CHODL: variants seen among roughly 807,000 people sequenced by gnomAD.
CHODL encodes the protein transmembrane protein MT75.
CHODL carries 29 observed loss-of-function variants against 34.5 expected under a neutral mutation model. That is an observed-to-expected ratio of 0.84 (90% CI 0.63 to 1.15). The LOEUF is 1.15. CHODL is among the 50% of genes most tolerant of loss of function. CHODL has a pLI of 0.00. For missense variants in CHODL, 332 were observed against 332.5 expected, an observed-to-expected ratio of 1.00 and a Z score of 0.01; for synonymous variants, 125 against 116.1, an observed-to-expected ratio of 1.08 and a Z score of -0.49.
intron 2 of CHODL, among the ~76,000 whole-genome samples, chr21:18,051,143 T>C (rs887010391): frequency 3.9e-5 from 6 of 151,976 alleles, no homozygotes; most frequent in Non-Finnish European, 7.4e-5. Context: ...GTGTTCTCAT[T>C]GTTCAACTCC....
intron 1 of CHODL, among the ~76,000 whole-genome samples, chr21:17,929,544 A>T (rs2063254637): frequency 6.6e-6 from 1 of 152,248 alleles, no homozygotes; most frequent in Admixed American, 6.5e-5. Flanking sequence ...AGGTGAAGCC[A>T]TGCAGCCTGC....
chr21:17,975,980 A>G (rs1315149483), intron 1 of CHODL, among the ~76,000 whole-genome samples: 1 of 152,224 alleles, frequency 6.6e-6, no homozygotes, highest in Non-Finnish European at 1.5e-5. Context: ...AAAGAGTTAT[A>G]GTTTCACAAA....
chr21:18,185,512 G>C (rs77947647), intron 2 of CHODL, among the ~76,000 whole-genome samples: 2,133 of 152,244 alleles, frequency 0.014, 57 homozygotes, highest in African/African-American at 0.048. Flanking sequence ...ATAGTAGAAT[G>C]ACTTACAATC....
chr21:18,111,871 G>A (rs1018291480), intron 2 of CHODL, among the ~76,000 whole-genome samples: 2 of 152,142 alleles, frequency 1.3e-5, no homozygotes, highest in African/African-American at 4.8e-5. Context: ...GTTCAACACT[G>A]TAGGGGAACT....
At chr21:18,142,570 G>A (rs2072816057) in intron 2 of CHODL, among the ~76,000 whole-genome samples, 1 of 152,134 alleles carries the variant, frequency 6.6e-6, no homozygotes, top group South Asian at 2.1e-4. Flanking sequence ...AGAGAAGACT[G>A]CAGATTACGG....
intron 2 of CHODL, among the ~76,000 whole-genome samples, chr21:18,168,658 T>A (rs796198946): frequency 2.0e-4 from 31 of 152,348 alleles, no homozygotes; most frequent in African/African-American, 7.2e-4. Flanking sequence ...GTTCTTTATA[T>A]ATTCTGGATA....
At chr21:18,158,095 G>A (rs1988178697) in intron 2 of CHODL, among the ~76,000 whole-genome samples, 1 of 148,070 alleles carries the variant, frequency 6.8e-6, no homozygotes, top group Admixed American at 6.7e-5. Flanking sequence ...TTTAATTCAG[G>A]TGCTTGCCAT....
chr21:17,994,761 G>A (rs1475418395), intron 1 of CHODL, among the ~76,000 whole-genome samples: 2 of 152,178 alleles, frequency 1.3e-5, no homozygotes, highest in Admixed American at 1.3e-4. Flanking sequence ...GCAGAAGGCA[G>A]GGTTCAACCC....
chr21:18,009,361 C>T (rs887943482), intron 1 of CHODL, among the ~76,000 whole-genome samples: 22 of 152,022 alleles, frequency 1.4e-4, no homozygotes, highest in African/African-American at 4.8e-4. Flanking sequence ...CAAAGAAATA[C>T]ACTTTCTTTT....
chr21:17,960,637 T>C (rs756802376), intron 1 of CHODL, among the ~76,000 whole-genome samples: 4 of 152,238 alleles, frequency 2.6e-5, no homozygotes, highest in Non-Finnish European at 4.4e-5. Flanking sequence ...TCTTATTCTG[T>C]TATCTCCTCA....
At chr21:17,995,634 A>G (rs1331841461) in intron 1 of CHODL, among the ~76,000 whole-genome samples, 3 of 152,178 alleles carry the variant, frequency 2.0e-5, no homozygotes, top group Non-Finnish European at 4.4e-5. Flanking sequence ...CTTAAATGAT[A>G]CTAAACAACA....
At chr21:18,052,823 AC>A (rs905633670) in intron 2 of CHODL, among the ~76,000 whole-genome samples, 1 of 151,910 alleles carries the variant, frequency 6.6e-6, no homozygotes, top group African/African-American at 2.4e-5. Flanking sequence ...TGAGTTTGTC[AC>A]TTTTGATTTT....
chr21:18,069,557 TGG>T (rs1316466371), intron 2 of CHODL, among the ~76,000 whole-genome samples: 1 of 151,280 alleles, frequency 6.6e-6, no homozygotes, highest in African/African-American at 2.4e-5. Flanking sequence ...TATATATATA[TGG>T]ATTATTTGAT....
chr21:18,100,172 G>A (rs1208247795), intron 2 of CHODL, among the ~76,000 whole-genome samples: 2 of 152,124 alleles, frequency 1.3e-5, no homozygotes. Context: ...TTTAAATAAA[G>A]TGAAGGTTGT....
At position 18,260,218 on chromosome 21, in the gene CHODL, C is replaced by T. The variant is rs1601222699; in HGVS notation, c.566C>T (p.Pro189Leu). Reference protein sequence around the residue: ...KYEPEINPTAPVEKPYLTNQP... With the variant: ...KYEPEINPTALVEKPYLTNQP... ...TTTACAGAGATTAATCCAACAGCCC[C>T]TGTAGAAAAGCCTTATCTTACAAAT... The change falls in exon 4 of 6, where the codon CCT (proline) becomes CTT (leucine). Residue 189 changes from proline (P) to leucine (L), a missense_variant. Pro to Leu is a moderately conservative substitution (Grantham distance 98, BLOSUM62 -3). Transcript: ENST00000299295. 1 of 1,574,392 alleles carries T rather than the reference C, an allele frequency of 6.4e-7. No homozygotes were observed. Among genetic ancestry groups the T allele is most frequent in the Non-Finnish European group, 8.6e-7 (1 of 1,162,604 alleles).
At chr21:18,155,678 C>A (rs1226044363) in intron 2 of CHODL, among the ~76,000 whole-genome samples, 1 of 152,112 alleles carries the variant, frequency 6.6e-6, no homozygotes, top group African/African-American at 2.4e-5. Context: ...ATTTATATAA[C>A]ACTTTAGTCA....
At chr21:18,122,505 C>T (rs894737827) in intron 2 of CHODL, among the ~76,000 whole-genome samples, 3 of 151,708 alleles carry the variant, frequency 2.0e-5, no homozygotes, top group African/African-American at 7.3e-5. Context: ...ATGTCTGGCA[C>T]CTAAAAAACA....
chr21:17,931,750 T>G (rs1359382846), intron 1 of CHODL, among the ~76,000 whole-genome samples: 3 of 152,038 alleles, frequency 2.0e-5, no homozygotes, highest in South Asian at 2.1e-4. Context: ...AATTACAAAA[T>G]ACAGGCATGA....
At chr21:18,249,661 G>A (rs2074211411) in intron 1 of CHODL, among the ~76,000 whole-genome samples, 2 of 152,090 alleles carry the variant, frequency 1.3e-5, no homozygotes, top group Non-Finnish European at 2.9e-5. Context: ...TATTAGGTTT[G>A]AGACATATGG....
Sources: gnomAD v4.1 joint callset for allele counts (sites outside exome capture counted in the v4.1 genomes callset) on GRCh38, gnomAD v4.1.1 for gene constraint, MANE v1.5 for transcripts, NCBI Gene and HGNC (gene_info 2026-07-23, HGNC 2026-07-21) for gene names.